The following MPPED2 variants were observed in gnomAD, a reference collection of about 807,000 sequenced individuals.
MPPED2 encodes the protein metallophosphoesterase MPPED2.
Under a neutral mutation model 33.0 loss-of-function variants are expected in MPPED2, and 5 were observed. That is an observed-to-expected ratio of 0.15 (90% CI 0.08 to 0.32). MPPED2 has a LOEUF of 0.32. Ranked by LOEUF, MPPED2 falls within the 10% of genes least tolerant of loss-of-function variation. The probability of loss-of-function intolerance (pLI) is 1.00; values close to 1 mark genes in which losing one functional copy is unlikely to be tolerated. For synonymous variants in MPPED2, 136 were observed against 141.9 expected (o/e 0.96, Z 0.29); for missense variants, 275 against 372.1 (o/e 0.74, Z 2.15).
intron 4 of MPPED2, among the ~76,000 whole-genome samples, chr11:30,466,707 T>C (rs552828729): frequency 6.6e-6 from 1 of 152,370 alleles, no homozygotes; most frequent in Admixed American, 6.5e-5. Context: ...GCTGATTCTA[T>C]TATTTTCTCC....
chr11:30,467,389 G>A (rs1321998495), intron 4 of MPPED2, among the ~76,000 whole-genome samples: 2 of 152,188 alleles, frequency 1.3e-5, no homozygotes, highest in African/African-American at 4.8e-5. Flanking sequence ...CTCTCAGCTG[G>A]CACAGCTGTG....
chr11:30,441,887 A>C (rs974481970), intron 4 of MPPED2, among the ~76,000 whole-genome samples: 2 of 152,136 alleles, frequency 1.3e-5, no homozygotes, highest in Non-Finnish European at 2.9e-5. Context: ...TTCACAACCC[A>C]TGAAACTGCT....
At chr11:30,466,883 C>A (rs568180798) in intron 4 of MPPED2, among the ~76,000 whole-genome samples, 1 of 152,236 alleles carries the variant, frequency 6.6e-6, no homozygotes, top group East Asian at 1.9e-4. Context: ...AACGGGAAAC[C>A]ATGCTTAATA....
chr11:30,442,945 A>G (rs532841327), intron 4 of MPPED2, among the ~76,000 whole-genome samples: 2 of 152,160 alleles, frequency 1.3e-5, no homozygotes, highest in Non-Finnish European at 2.9e-5. Flanking sequence ...GCGAGCTATG[A>G]TCACACCACT....
chr11:30,408,579 G>A (rs982909130), downstream of MPPED2, among the ~76,000 whole-genome samples: 1 of 152,096 alleles, frequency 6.6e-6, no homozygotes, highest in Non-Finnish European at 1.5e-5. Context: ...CAAAGTGCTG[G>A]GATTACAGGT....
At chr11:30,384,475 T>TTTC (rs1947679323), downstream of MPPED2, 1 of 90,834 alleles carries the variant, frequency 1.1e-5, no homozygotes. Flanking sequence ...TTCTTTTTTC[T>TTTC]TTTTTTTTTT....
chr11:30,556,195 C>T (rs964772401), intron 2 of MPPED2, among the ~76,000 whole-genome samples: 8 of 152,150 alleles, frequency 5.3e-5, no homozygotes, highest in Admixed American at 4.6e-4. Context: ...GCTTAGAATG[C>T]TTGAAATGTA....
At chr11:30,543,460 GC>G (rs1955240727) in intron 2 of MPPED2, among the ~76,000 whole-genome samples, 1 of 152,184 alleles carries the variant, frequency 6.6e-6, no homozygotes, top group Admixed American at 6.5e-5. Context: ...TCCATGATTA[GC>G]CACACAGTTT....
At chr11:30,394,822 AC>A (rs1173205737) in intron 6 of MPPED2, among the ~76,000 whole-genome samples, 1 of 152,176 alleles carries the variant, frequency 6.6e-6, no homozygotes, top group Non-Finnish European at 1.5e-5. Flanking sequence ...TAAGAACTCT[AC>A]CTCATTCCAA....
At chr11:30,541,397 G>T (rs1291999325) in intron 2 of MPPED2, among the ~76,000 whole-genome samples, 4 of 152,122 alleles carry the variant, frequency 2.6e-5, no homozygotes, top group Admixed American at 6.5e-5. Context: ...CTTCAGAAAA[G>T]CTGTCATGTG....
intron 3 of MPPED2, among the ~76,000 whole-genome samples, chr11:30,509,000 C>T (rs1565137937): frequency 6.6e-6 from 1 of 152,122 alleles, no homozygotes; most frequent in Non-Finnish European, 1.5e-5. Flanking sequence ...TTCTATATTG[C>T]CTGAGAATCA....
Position 30,411,563 on chromosome 11 carries a change from A to G in MPPED2, c.790T>C (p.Tyr264His), listed in dbSNP as rs1370685625. 1.2e-6 allele frequency: 2 copies of G among 1,613,616 alleles called. No individual in the cohort carries two copies. The highest frequency in any genetic ancestry group is 4.5e-5 in the East Asian group (2 of 44,894). Reference sequence around the variant, plus strand: ...GTCGAGGCATTGATGTACGTTGTGTAACCGTCGGTCATGATGCCATAACCT... The same window carrying G: ...GTCGAGGCATTGATGTACGTTGTGTGACCGTCGGTCATGATGCCATAACCT... The part of the protein sequence containing the change: ...HEGYGIMTDG[Y>H]TTYINASTCT... The change falls in exon 7 of 7, where the codon TAC (tyrosine) becomes CAC (histidine). Residue 264 changes from tyrosine (Y) to histidine (H), a missense_variant. Coordinates refer to ENST00000358117, the MANE Select transcript of MPPED2 (RefSeq NM_001584.3).
intron 2 of MPPED2, among the ~76,000 whole-genome samples, chr11:30,549,916 A>G (rs1955617344): frequency 6.6e-6 from 1 of 152,130 alleles, no homozygotes; most frequent in Admixed American, 6.5e-5. Flanking sequence ...TTTTTAAATC[A>G]TCTTTTGGGG....
intron 4 of MPPED2, among the ~76,000 whole-genome samples, chr11:30,484,871 C>T (rs1488408575): frequency 6.6e-6 from 1 of 152,118 alleles, no homozygotes; most frequent in African/African-American, 2.4e-5. Context: ...CCCACCAATA[C>T]ACAAACAGGG....
intron 2 of MPPED2, among the ~76,000 whole-genome samples, chr11:30,565,300 C>T (rs1028242042): frequency 2.6e-5 from 4 of 152,076 alleles, no homozygotes; most frequent in African/African-American, 9.7e-5. Flanking sequence ...ACTTGGCATC[C>T]GGTGCATATT....
chr11:30,509,303 A>G (rs761647652), intron 3 of MPPED2, among the ~76,000 whole-genome samples: 1 of 152,234 alleles, frequency 6.6e-6, no homozygotes, highest in African/African-American at 2.4e-5. Context: ...AACTATATAC[A>G]TGACACAAAT....
Position 30,488,841 on chromosome 11 carries a change from C to A in MPPED2, c.536+6455G>T, listed in dbSNP as rs1237329501. Among the ~76,000 whole-genome samples, 5 of 148,936 alleles carry A rather than the reference C, an allele frequency of 3.4e-5. No homozygotes were observed. In the South Asian group the frequency reaches 8.5e-4, roughly 25 times the overall value. ...GCCTTTAAACAGAATCATGTAAGAG[C>A]AGAGTGCATATTTGTTTAACACACA... On this transcript the variant is annotated intron_variant, in intron 4 of 6. Transcript: ENST00000358117.
At chr11:30,559,530 TA>T (rs1294136407) in intron 2 of MPPED2, among the ~76,000 whole-genome samples, 1 of 152,160 alleles carries the variant, frequency 6.6e-6, no homozygotes, top group Non-Finnish European at 1.5e-5. Flanking sequence ...GCTTACTAAT[TA>T]AAAAGAAACT....
chr11:30,446,580 G>C (rs901101357), intron 4 of MPPED2, among the ~76,000 whole-genome samples: 2 of 152,144 alleles, frequency 1.3e-5, no homozygotes, highest in African/African-American at 2.4e-5. Context: ...GCTCTGCAAG[G>C]CTGTTTTATT....
Sources: allele counts gnomAD v4.1 joint callset (sites outside exome capture counted in the v4.1 genomes callset), GRCh38; gene constraint gnomAD v4.1.1; transcripts MANE v1.5; gene names NCBI Gene and HGNC (gene_info 2026-07-23, HGNC 2026-07-21).